DMD: variants seen among roughly 807,000 people sequenced by gnomAD.
The protein encoded by DMD is mutant dystrophin.
In DMD, 63 loss-of-function variants were observed where a neutral mutation model predicts 330.1. That is an observed-to-expected ratio of 0.19 (90% confidence interval 0.16 to 0.24). The LOEUF (loss-of-function observed/expected upper bound fraction) is 0.24, where lower values mean the gene tolerates loss of function less well. Ranked by LOEUF, DMD falls within the 10% of genes least tolerant of loss-of-function variation. The pLI is 1.00. For synonymous variants in DMD, 1,223 were observed against 959.8 expected (o/e 1.27, Z -5.07); for missense variants, 3,344 against 2,684.1 (o/e 1.25, Z -5.43).
intron 2 of DMD, among the ~76,000 whole-genome samples, chrX:32,878,495 A>G (rs752204346): frequency 1.8e-5 from 2 of 112,196 alleles, no homozygotes; most frequent in African/African-American, 3.2e-5. Flanking sequence ...CATTAACACA[A>G]TATGTTACTA....
Position 32,463,521 on chromosome X carries a change from T to C in DMD, c.3350A>G (p.Asn1117Ser), listed in dbSNP as rs1192587921. 1 of 1,203,026 alleles carries C rather than the reference T, an allele frequency of 8.3e-7. No homozygotes were observed. The highest frequency in any genetic ancestry group is 1.8e-5 in the South Asian group (1 of 55,485). The change falls in exon 25 of 79, where the codon AAT becomes AGT. Residue 1117 changes from asparagine (N) to serine (S), a missense_variant. Transcript: ENST00000357033. ...SVNEGGQKIK[N>S]EAEPEFASRL... ...CGAAGCAAACTCTGGCTCTGCTTCA[T>C]TCTTTATCTTCTGCCCACCTTCATT...
At chrX:33,188,204 T>C (rs979600171) in intron 1 of DMD, among the ~76,000 whole-genome samples, 3 of 110,695 alleles carry the variant, frequency 2.7e-5, no homozygotes, top group African/African-American at 9.9e-5. Context: ...ACAGCAAAAC[T>C]GCAGACCAAA....
intron 55 of DMD, among the ~76,000 whole-genome samples, chrX:31,572,459 T>C (rs185102678): frequency 1.8e-5 from 2 of 112,022 alleles, no homozygotes; most frequent in East Asian, 5.6e-4. Flanking sequence ...GATCCACATT[T>C]TTTTTCCCTA....
intron 13 of DMD, among the ~76,000 whole-genome samples, chrX:32,582,744 T>C (rs1326436109): frequency 5.4e-5 from 6 of 111,923 alleles, no homozygotes; most frequent in Non-Finnish European, 1.1e-4. Flanking sequence ...GACTAAACTC[T>C]AGACAGGCTT....
intron 52 of DMD, among the ~76,000 whole-genome samples, chrX:31,701,278 C>T (rs1297524971): frequency 2.7e-5 from 3 of 111,936 alleles, no homozygotes; most frequent in African/African-American, 9.8e-5. Flanking sequence ...GGAAATTAAC[C>T]CCGAAAAACA....
chrX:31,657,640 T>C (rs1215546568), intron 54 of DMD, among the ~76,000 whole-genome samples: 1 of 112,048 alleles, frequency 8.9e-6, no homozygotes, highest in Non-Finnish European at 1.9e-5. Flanking sequence ...ATTTATCAGA[T>C]AACAGGTAAG....
At position 32,658,039 on chromosome X, in the gene DMD, C is replaced by A. The variant is rs546019943; in HGVS notation, c.961-12887G>T. Among the ~76,000 whole-genome samples the A allele has an allele frequency of 7.2e-5, 8 of 111,609 alleles. No homozygotes were observed. In the South Asian group the frequency reaches 3.0e-3, roughly 41 times the overall value. Reference sequence around the variant, plus strand: ...TTATTTCAAATTGACATATACTGCACTTAAATAATATTCCTCTAGAATGAC... The same window carrying A: ...TTATTTCAAATTGACATATACTGCAATTAAATAATATTCCTCTAGAATGAC... On this transcript the variant is annotated intron_variant, in intron 9 of 78. Coordinates refer to ENST00000357033, the MANE Select transcript of DMD (RefSeq NM_004006.3).
intron 16 of DMD, among the ~76,000 whole-genome samples, chrX:32,551,489 A>G (rs934440741): frequency 8.9e-6 from 1 of 111,868 alleles, no homozygotes; most frequent in Non-Finnish European, 1.9e-5. Context: ...AACATATTTC[A>G]AAGTAATTAG....
chrX:31,219,942 T>C (rs1296022788), intron 64 of DMD, among the ~76,000 whole-genome samples: 2 of 110,683 alleles, frequency 1.8e-5, no homozygotes, highest in African/African-American at 6.6e-5. Context: ...GATTACACTA[T>C]TATATATTTT....
In DMD at chrX:32,977,248, C is replaced by T. The variant is rs183430057; in HGVS notation, c.93+42891G>A. ...CCAGGAGGCGGAGGTTGCATTGAGC[C>T]GAGATCATGCCACTGCACTCCAGCC... is the stretch of plus-strand genomic sequence containing the variant. On this transcript the variant is annotated intron_variant, in intron 2 of 78. Transcript: ENST00000357033. 8.4e-4 allele frequency among the ~76,000 whole-genome samples: 93 copies of T among 110,652 alleles called. 1 individual carries two copies. The highest frequency in any genetic ancestry group is 2.8e-3 in the African/African-American group (86 of 30,418).
At position 31,120,500 on chromosome X, in the gene DMD, T is replaced by TTTAAA. The variant is rs1314719856; in HGVS notation, c.*1414_*1418dup. 2 of 112,325 alleles carry TTTAAA rather than the reference T, an allele frequency of 1.8e-5. No homozygotes were observed. The highest frequency in any genetic ancestry group is 3.2e-5 in the African/African-American group (1 of 30,942). 9.3% of individuals were successfully genotyped at this position (112,325 alleles called of 1,213,427 possible). A position where few individuals can be genotyped will look rare whatever the true frequency, so the allele number is the denominator to read the frequency against. On this transcript the variant is annotated 3_prime_UTR_variant, in exon 79 of 79. Transcript: ENST00000357033. The stretch of plus-strand genomic sequence containing the variant: ...ACACCTTTTCCCAAAGTTTATTTAT[T>TTTAAA]TTAAATTATGTCTTGTGGCATTTAA...
intron 48 of DMD, among the ~76,000 whole-genome samples, chrX:31,854,661 T>A (rs2149572519): frequency 8.9e-6 from 1 of 112,083 alleles, no homozygotes; most frequent in East Asian, 2.8e-4. Flanking sequence ...ACATAATTAC[T>A]ATGCTACAGG....
chrX:31,429,325 T>A (rs979161172), intron 60 of DMD, among the ~76,000 whole-genome samples: 1 of 111,646 alleles, frequency 9.0e-6, no homozygotes, highest in African/African-American at 3.3e-5. Flanking sequence ...GGTTCTTTCA[T>A]GTGTTTGCAG....
intron 1 of DMD, among the ~76,000 whole-genome samples, chrX:33,107,448 G>C (rs73453817): frequency 5.5e-5 from 6 of 109,592 alleles, no homozygotes; most frequent in African/African-American, 2.0e-4. Context: ...TTATTAGGAA[G>C]GCAGTAGCAG....
In DMD at chrX:31,860,654, G is replaced by A. The variant is rs1016712927; in HGVS notation, c.7098+14534C>T. ...GATTTTCACAAGGAAAAATAAGTGTGGGAATAAAATGTTAAGCTTCCAGAT... is the reference window on the plus strand; with the variant it reads ...GATTTTCACAAGGAAAAATAAGTGTAGGAATAAAATGTTAAGCTTCCAGAT... On this transcript the variant is annotated intron_variant, in intron 48 of 78. Transcript: ENST00000357033. Among the ~76,000 whole-genome samples, 14 of 112,074 alleles carry A rather than the reference G, an allele frequency of 1.2e-4. No individual in the cohort carries two copies. The Admixed American group carries it at 1.3e-3, about 11-fold the overall frequency.
At chrX:31,651,965 A>G (rs953918176) in intron 54 of DMD, among the ~76,000 whole-genome samples, 23 of 111,988 alleles carry the variant, frequency 2.1e-4, no homozygotes, top group Admixed American at 9.5e-5. Context: ...ATTAAAAGCT[A>G]AAGTCCACAG....
At chrX:32,225,019 C>T (rs980163564) in intron 43 of DMD, among the ~76,000 whole-genome samples, 1 of 112,099 alleles carries the variant, frequency 8.9e-6, no homozygotes, top group Admixed American at 9.5e-5. Flanking sequence ...GGGGACTCTT[C>T]TACTGTGCTT....
upstream of DMD, chrX:33,211,562 T>A: frequency 9.7e-7 from 1 of 1,025,665 alleles, no homozygotes; most frequent in Non-Finnish European, 1.2e-6. Flanking sequence ...CAGGATTCTG[T>A]AGAGGCCCCC....
intron 1 of DMD, among the ~76,000 whole-genome samples, chrX:33,254,321 A>G (rs1480829484): frequency 9.0e-6 from 1 of 110,957 alleles, no homozygotes; most frequent in Admixed American, 9.7e-5. Flanking sequence ...CAGGTTTATT[A>G]AAAAACATAG....
Sources: gnomAD v4.1 joint callset for allele counts (sites outside exome capture counted in the v4.1 genomes callset) on GRCh38, gnomAD v4.1.1 for gene constraint, MANE v1.5 for transcripts, NCBI Gene and HGNC (gene_info 2026-07-23, HGNC 2026-07-21) for gene names.